Variants in KCTD16 observed in about 807,000 individuals in gnomAD.
KCTD16 encodes BTB/POZ domain-containing protein KCTD16.
Under a neutral mutation model 33.2 loss-of-function variants are expected in KCTD16, and 13 were observed. That is an observed-to-expected ratio of 0.39 (90% confidence interval 0.25 to 0.62). The LOEUF (loss-of-function observed/expected upper bound fraction) is 0.62. Ranked by LOEUF, KCTD16 falls within the 20% of genes least tolerant of loss-of-function variation. KCTD16 has a pLI of 0.50. For synonymous variants in KCTD16, 197 were observed against 195.3 expected, an observed-to-expected ratio of 1.01 and a Z score of -0.07; for missense variants, 441 against 525.1, an observed-to-expected ratio of 0.84 and a Z score of 1.57.
At chr5:144,376,815 T>C (rs1183688096) in intron 3 of KCTD16, among the ~76,000 whole-genome samples, 2 of 152,188 alleles carry the variant, frequency 1.3e-5, no homozygotes, top group South Asian at 2.1e-4. Context: ...TTGAAAGTTA[T>C]AAACTGGGAA....
intron 3 of KCTD16, among the ~76,000 whole-genome samples, chr5:144,363,444 A>G (rs1194262196): frequency 6.6e-6 from 1 of 152,050 alleles, no homozygotes; most frequent in Non-Finnish European, 1.5e-5. Flanking sequence ...TATCTGATTT[A>G]TCTCATCACC....
At chr5:144,312,642 A>G (rs1275541995) in intron 3 of KCTD16, among the ~76,000 whole-genome samples, 1 of 152,244 alleles carries the variant, frequency 6.6e-6, no homozygotes, top group Admixed American at 6.5e-5. Flanking sequence ...AAAGGAGAAG[A>G]GGAAATTCTT....
chr5:144,387,085 G>A (rs927599853), intron 3 of KCTD16, among the ~76,000 whole-genome samples: 1 of 151,234 alleles, frequency 6.6e-6, no homozygotes, highest in Non-Finnish European at 1.5e-5. Flanking sequence ...TCCCACCCCA[G>A]CTTCCCAAGT....
At chr5:144,404,933 C>G (rs1433856571) in intron 3 of KCTD16, among the ~76,000 whole-genome samples, 1 of 152,160 alleles carries the variant, frequency 6.6e-6, no homozygotes, top group African/African-American at 2.4e-5. Context: ...GGCTTCCATT[C>G]TATCTTGAAA....
chr5:144,404,632 A>G (rs1206244680), intron 3 of KCTD16, among the ~76,000 whole-genome samples: 1 of 152,212 alleles, frequency 6.6e-6, no homozygotes, highest in Non-Finnish European at 1.5e-5. Flanking sequence ...AAAATTGAAC[A>G]GGCAAAACCA....
chr5:144,316,508 C>CTTTTTTTTTTTTTTTTTTTTTTTTTGTTT (rs398050808), intron 3 of KCTD16, among the ~76,000 whole-genome samples: 1 of 119,960 alleles, frequency 8.3e-6, no homozygotes, highest in Non-Finnish European at 1.7e-5. Flanking sequence ...TGTTTTTTGT[C>CTTTTTTTTTTTTTTTTTTTTTTTTTGTTT]TTTTTTTTTT....
At chr5:144,385,874 C>G (rs1053126433) in intron 3 of KCTD16, among the ~76,000 whole-genome samples, 1 of 151,836 alleles carries the variant, frequency 6.6e-6, no homozygotes, top group African/African-American at 2.4e-5. Context: ...CTAACAGGAC[C>G]TAATATTAAC....
chr5:144,416,861 G>A (rs1436205510), intron 3 of KCTD16, among the ~76,000 whole-genome samples: 1 of 151,980 alleles, frequency 6.6e-6, no homozygotes, highest in Non-Finnish European at 1.5e-5. Context: ...ATATAAATGA[G>A]GTCAAAACTA....
intron 3 of KCTD16, among the ~76,000 whole-genome samples, chr5:144,299,121 TA>T (rs1756156372): frequency 1.4e-4 from 3 of 20,762 alleles, no homozygotes; most frequent in African/African-American, 1.4e-3. Context: ...TATATATATA[TA>T]TATATATATA....
At chr5:144,303,456 G>C (rs1172365842) in intron 3 of KCTD16, among the ~76,000 whole-genome samples, 1 of 152,158 alleles carries the variant, frequency 6.6e-6, no homozygotes, top group East Asian at 1.9e-4. Flanking sequence ...GGGTTGTTCA[G>C]AGATGGAAAT....
chr5:144,236,423 A>G (rs969519402), intron 3 of KCTD16, among the ~76,000 whole-genome samples: 1 of 152,146 alleles, frequency 6.6e-6, no homozygotes, highest in Non-Finnish European at 1.5e-5. Context: ...ATGATTCCAT[A>G]GAAATTTATG....
chr5:144,335,550 A>T (rs1752464912), intron 3 of KCTD16, among the ~76,000 whole-genome samples: 1 of 152,116 alleles, frequency 6.6e-6, no homozygotes, highest in Admixed American at 6.6e-5. Context: ...AGACACACAC[A>T]CACACAAACA....
intron 3 of KCTD16, among the ~76,000 whole-genome samples, chr5:144,248,459 G>A (rs1024106455): frequency 4.6e-5 from 7 of 152,200 alleles, no homozygotes; most frequent in African/African-American, 7.2e-5. Context: ...GTCCAGTCTC[G>A]TAGGACATTG....
chr5:144,188,954 G>A (rs1366366412), intron 2 of KCTD16, among the ~76,000 whole-genome samples: 2 of 152,190 alleles, frequency 1.3e-5, no homozygotes, highest in Non-Finnish European at 2.9e-5. Context: ...AGCAAGCCCT[G>A]TTGTCATGGT....
chr5:144,369,928 T>TG (rs760472263), intron 3 of KCTD16, among the ~76,000 whole-genome samples: 4 of 152,110 alleles, frequency 2.6e-5, no homozygotes, highest in African/African-American at 7.2e-5. Context: ...AGGCTAAAGT[T>TG]GGTAGGAGGT....
At chr5:144,202,189 C>T (rs1203180595) in intron 2 of KCTD16, among the ~76,000 whole-genome samples, 2 of 152,194 alleles carry the variant, frequency 1.3e-5, no homozygotes, top group South Asian at 2.1e-4. Flanking sequence ...GCCTTCAGTC[C>T]GGGAGTGCCA....
intron 3 of KCTD16, among the ~76,000 whole-genome samples, chr5:144,367,268 C>T (rs1005056362): frequency 6.6e-6 from 1 of 152,088 alleles, no homozygotes; most frequent in Admixed American, 6.5e-5. Context: ...GGGTGTAGAG[C>T]TGTGCAAACA....
intron 2 of KCTD16, among the ~76,000 whole-genome samples, chr5:144,202,862 A>G (rs776808502): frequency 1.3e-5 from 2 of 152,172 alleles, no homozygotes; most frequent in East Asian, 1.9e-4. Flanking sequence ...CCATTTTTCA[A>G]TTCTCAGAGT....
intron 3 of KCTD16, among the ~76,000 whole-genome samples, chr5:144,342,609 C>T (rs1258258892): frequency 1.3e-5 from 2 of 152,138 alleles, no homozygotes; most frequent in Non-Finnish European, 2.9e-5. Flanking sequence ...GAACTTCCAA[C>T]ACTATGTTGA....
Sources: gnomAD v4.1 joint callset for allele counts (sites outside exome capture counted in the v4.1 genomes callset) on GRCh38, gnomAD v4.1.1 for gene constraint, MANE v1.5 for transcripts, NCBI Gene and HGNC (gene_info 2026-07-23, HGNC 2026-07-21) for gene names.